WNT2: variants seen among roughly 807,000 people sequenced by gnomAD.
WNT2 encodes the protein protein Wnt-2.
In WNT2, 12 loss-of-function variants were observed where a neutral mutation model predicts 36.9. That is an observed-to-expected ratio of 0.33 (90% CI 0.21 to 0.53). The LOEUF is 0.53. WNT2 is among the 20% of genes least tolerant of loss of function. The pLI, the probability that WNT2 is intolerant of heterozygous loss-of-function variation, is 0.95. For missense variants in WNT2, 379 were observed against 473.1 expected (o/e 0.80, Z 1.84); for synonymous variants, 163 against 174.6 (o/e 0.93, Z 0.52).
intron 4 of WNT2, among the ~76,000 whole-genome samples, chr7:117,292,436 C>T (rs1008388035): frequency 2.6e-5 from 4 of 152,212 alleles, no homozygotes; most frequent in African/African-American, 9.6e-5. Context: ...CTTTCCTTCT[C>T]TATAAATGGA....
intron 4 of WNT2, among the ~76,000 whole-genome samples, chr7:117,282,847 T>C (rs541363513): frequency 7.2e-5 from 11 of 152,208 alleles, no homozygotes; most frequent in African/African-American, 2.4e-4. Flanking sequence ...CAATACAGAC[T>C]CTGGGCAGGA....
At chr7:117,289,437 G>A (rs1343745308) in intron 4 of WNT2, among the ~76,000 whole-genome samples, 4 of 152,132 alleles carry the variant, frequency 2.6e-5, no homozygotes. Context: ...GAATGCGCCT[G>A]AATATGAGGA....
At chr7:117,287,435 T>G (rs1396977159) in intron 4 of WNT2, among the ~76,000 whole-genome samples, 2 of 152,218 alleles carry the variant, frequency 1.3e-5, no homozygotes, top group Non-Finnish European at 2.9e-5. Context: ...CCTTCCAGAT[T>G]CAGGCCTACT....
At chr7:117,288,525 A>G (rs1794627799) in intron 4 of WNT2, among the ~76,000 whole-genome samples, 1 of 152,196 alleles carries the variant, frequency 6.6e-6, no homozygotes, top group South Asian at 2.1e-4. Context: ...CAAATTTGTT[A>G]TTTTAAAGTA....
At chr7:117,317,327 C>T (rs1235330238) in intron 2 of WNT2, among the ~76,000 whole-genome samples, 1 of 152,172 alleles carries the variant, frequency 6.6e-6, no homozygotes, top group Non-Finnish European at 1.5e-5. Context: ...TGAAAGAAAA[C>T]AAATCACAAT....
intron 3 of WNT2, among the ~76,000 whole-genome samples, chr7:117,299,560 G>A (rs1794862925): frequency 6.7e-6 from 1 of 148,776 alleles, no homozygotes. Context: ...TGGTGTGACT[G>A]TAGCTCACTG....
chr7:117,315,172 A>G lies in WNT2; in HGVS notation c.487T>C (p.Tyr163His). The G allele has an allele frequency of 6.2e-7, 1 of 1,614,128 alleles. No individual in the cohort carries two copies. Among genetic ancestry groups the G allele is most frequent in the Non-Finnish European group, 8.5e-7 (1 of 1,180,022 alleles). ...AATGCGCGGGCAAATTTGATCCCAT[A>G]GTCAATGTTATCACTGCAGCCACCC... ...DWGGCSDNID[Y>H]GIKFARAFVD... Residue 163 changes from tyrosine (Y) to histidine (H), a missense_variant, in exon 3 of 5, where the codon TAT becomes CAT. Physicochemically the swap from Tyr to His is moderately conservative, Grantham distance 83 (BLOSUM62 2). Coordinates refer to ENST00000265441, the MANE Select transcript of WNT2 (RefSeq NM_003391.3).
chr7:117,309,436 C>T (rs985350963), intron 3 of WNT2, among the ~76,000 whole-genome samples: 1 of 152,106 alleles, frequency 6.6e-6, no homozygotes, highest in African/African-American at 2.4e-5. Context: ...GACCCCCTCA[C>T]CCTCTGAGCT....
intron 4 of WNT2, among the ~76,000 whole-genome samples, chr7:117,279,147 T>C (rs1356514095): frequency 6.6e-6 from 1 of 152,274 alleles, no homozygotes; most frequent in Non-Finnish European, 1.5e-5. Context: ...TGATGTTTGC[T>C]AAATGGCAAT....
chr7:117,282,321 TAAC>T (rs750838446), intron 4 of WNT2, among the ~76,000 whole-genome samples: 5 of 149,760 alleles, frequency 3.3e-5, no homozygotes, highest in Non-Finnish European at 4.4e-5. Context: ...CATATTTCAA[TAAC>T]AAGAAGAAGG....
In WNT2 at chr7:117,313,951, T is replaced by C. The variant is rs556866569; in HGVS notation, c.588+1120A>G. On this transcript the variant is annotated intron_variant, in intron 3 of 4. Coordinates refer to ENST00000265441, the MANE Select transcript of WNT2 (RefSeq NM_003391.3). ...TAAGCAAGAGTTCTTTCCTTCTAACTTCCTTTAAATGAGATTTGTTCTCTC... is the reference window on the plus strand; with the variant it reads ...TAAGCAAGAGTTCTTTCCTTCTAACCTCCTTTAAATGAGATTTGTTCTCTC... 2.0e-5 allele frequency among the ~76,000 whole-genome samples: 3 copies of C among 152,368 alleles called. No homozygotes were observed. The East Asian group carries it at 5.8e-4, about 29-fold the overall frequency.
intron 2 of WNT2, 35 bp downstream of exon 2, chr7:117,320,532 A>G: frequency 6.3e-7 from 1 of 1,584,740 alleles, no homozygotes. Flanking sequence ...GCATGAGTGG[A>G]GAGCCATAGG....
At chr7:117,311,604 G>A (rs1417242377) in intron 3 of WNT2, among the ~76,000 whole-genome samples, 3 of 152,110 alleles carry the variant, frequency 2.0e-5, no homozygotes, top group African/African-American at 7.2e-5. Context: ...TATATGCTTG[G>A]TTTTATTAGT....
rs753709083 is a variant in WNT2, at chr7:117,278,065, TC to T, written c.*89del. On this transcript the variant is annotated 3_prime_UTR_variant, in exon 5 of 5. Coordinates refer to ENST00000265441, the MANE Select transcript of WNT2 (RefSeq NM_003391.3). ...TAAAGGCCACATGCCTTAGGAAATATCCCCCCAGAAAGAACCCAAAGGTCCA... is the reference window on the plus strand; with the variant it reads ...TAAAGGCCACATGCCTTAGGAAATATCCCCCAGAAAGAACCCAAAGGTCCA... The T allele has an allele frequency of 2.8e-6, 4 of 1,433,796 alleles. No homozygotes were observed. The highest frequency in any genetic ancestry group is 3.9e-6 in the Non-Finnish European group (4 of 1,035,608). The allele number at this position is 1,433,796 out of a possible 1,614,324, so 88.8% of individuals were successfully genotyped here. A position where few individuals can be genotyped will look rare whatever the true frequency, so the allele number is the denominator to read the frequency against.
intron 3 of WNT2, among the ~76,000 whole-genome samples, chr7:117,310,582 CAAAAAAAAAAAA>C (rs774296887): frequency 1.8e-5 from 1 of 55,074 alleles, no homozygotes; most frequent in African/African-American, 7.2e-5. Flanking sequence ...GACCCTGTCT[CAAAAAAAAAAAA>C]AAAAAAAAAA....
chr7:117,291,682 C>G (rs76052728), intron 4 of WNT2, among the ~76,000 whole-genome samples: 1 of 152,318 alleles, frequency 6.6e-6, no homozygotes, highest in African/African-American at 2.4e-5. Context: ...CCTCAGAGCA[C>G]TCACTTTCTT....
At position 117,300,677 on chromosome 7, in the gene WNT2, A is replaced by G. The variant is rs932134244; in HGVS notation, c.589-2801T>C. On this transcript the variant is annotated intron_variant, in intron 3 of 4. Coordinates refer to ENST00000265441, the MANE Select transcript of WNT2 (RefSeq NM_003391.3). Reference sequence around the variant, plus strand: ...TAGCCGGAGGTGGTGGCACGTGCCTATGGTCTCAGCTACTCAGGAGGCTGA... The same window carrying G: ...TAGCCGGAGGTGGTGGCACGTGCCTGTGGTCTCAGCTACTCAGGAGGCTGA... 2.6e-5 allele frequency among the ~76,000 whole-genome samples: 4 copies of G among 152,256 alleles called. No homozygotes were observed. The East Asian group carries it at 7.8e-4, about 30-fold the overall frequency.
At chr7:117,305,850 T>C (rs1795005027) in intron 3 of WNT2, among the ~76,000 whole-genome samples, 1 of 152,232 alleles carries the variant, frequency 6.6e-6, no homozygotes, top group Admixed American at 6.5e-5. Flanking sequence ...CTGGCTCTTA[T>C]GCTGAAGACT....
At chr7:117,315,412 G>A (rs895922076) in intron 2 of WNT2, 64 bp from the exon 3 acceptor site, 1 of 1,495,418 alleles carries the variant, frequency 6.7e-7, no homozygotes, top group Non-Finnish European at 9.0e-7. Context: ...ACTTTCATAT[G>A]ACAATTGTTT....
Sources: gnomAD v4.1 joint callset for allele counts (sites outside exome capture counted in the v4.1 genomes callset) on GRCh38, gnomAD v4.1.1 for gene constraint, MANE v1.5 for transcripts, NCBI Gene and HGNC (gene_info 2026-07-23, HGNC 2026-07-21) for gene names.